RNASE10: variants seen among roughly 807,000 people sequenced by gnomAD.
RNASE10 encodes ribonuclease A family member 10 (inactive).
RNASE10 carries 2 observed loss-of-function variants against 1.1 expected under a neutral mutation model. The ratio of observed to expected loss-of-function variants is 1.82; its 90% CI spans 0.74 to 5.73. The LOEUF (loss-of-function observed/expected upper bound fraction) is 5.73, where lower values mean the gene tolerates loss of function less well. RNASE10 is among the 30% of genes most tolerant of loss of function. The pLI is 0.05. For missense variants in RNASE10, 276 were observed against 263.4 expected, an observed-to-expected ratio of 1.05 and a Z score of -0.33; for synonymous variants, 97 against 96.2, an observed-to-expected ratio of 1.01 and a Z score of -0.05.
chr14:20,508,538 T>C (rs1018743887), intron 1 of RNASE10, among the ~76,000 whole-genome samples: 4 of 152,150 alleles, frequency 2.6e-5, no homozygotes, highest in Admixed American at 6.5e-5. Context: ...TGTGTTCACA[T>C]AACCCTTATT....
intron 1 of RNASE10, among the ~76,000 whole-genome samples, chr14:20,506,555 C>CA (rs1882726728): frequency 8.8e-6 from 1 of 113,004 alleles, no homozygotes; most frequent in Admixed American, 8.4e-5. Context: ...TCTGCCCGGC[C>CA]GCCCCTACTG....
chr14:20,505,123 T>C (rs1395305793), upstream of RNASE10, among the ~76,000 whole-genome samples: 3 of 151,600 alleles, frequency 2.0e-5, no homozygotes, highest in Non-Finnish European at 2.9e-5. Context: ...GCCAATGCTG[T>C]AGGGTAGGAC....
downstream of RNASE10, among the ~76,000 whole-genome samples, chr14:20,513,348 C>A (rs1349577200): frequency 6.6e-6 from 1 of 152,094 alleles, no homozygotes; most frequent in African/African-American, 2.4e-5. Flanking sequence ...AACAGGGTGA[C>A]AAGGCATTGT....
At chr14:20,511,232 T>C (rs879507365), downstream of RNASE10, 7 of 924,500 alleles carry the variant, frequency 7.6e-6, no homozygotes, top group Admixed American at 1.1e-4. Flanking sequence ...ATGGAATTCT[T>C]CCTTGCCCTA....
chr14:20,511,988 C>G (rs1282663219), downstream of RNASE10, among the ~76,000 whole-genome samples: 2 of 151,822 alleles, frequency 1.3e-5, no homozygotes, highest in East Asian at 3.9e-4. Context: ...GATGTTCGTC[C>G]TATAGTCAGA....
exon 2 of RNASE10, chr14:20,510,474 G>T: frequency 6.2e-7 from 1 of 1,602,364 alleles, no homozygotes; most frequent in East Asian, 2.2e-5. Flanking sequence ...CAGGCAAAAT[G>T]AAGCTGAATC....
chr14:20,510,866 A>G, exon 2 of RNASE10: 1 of 1,614,240 alleles, frequency 6.2e-7, no homozygotes. Context: ...GAGCCCAGTC[A>G]GAGTTGCATA....
chr14:20,511,881 G>T (rs568252943), downstream of RNASE10, among the ~76,000 whole-genome samples: 577 of 150,658 alleles, frequency 3.8e-3, 10 homozygotes, highest in African/African-American at 0.014. Context: ...TTTTCTTTTT[G>T]GGCCCGCTCT....
At chr14:20,509,753 C>G (rs1478507579) in intron 1 of RNASE10, among the ~76,000 whole-genome samples, 5 of 151,772 alleles carry the variant, frequency 3.3e-5, no homozygotes, top group Non-Finnish European at 5.9e-5. Context: ...CAAGAATTTC[C>G]CTAAAGGAGA....
chr14:20,510,344 T>G, intron 1 of RNASE10, 123 bp from the exon 2 acceptor site: 1 of 1,405,840 alleles, frequency 7.1e-7, no homozygotes, highest in Non-Finnish European at 9.5e-7. Flanking sequence ...GAGGGTAGAG[T>G]AATGTGCAGA....
exon 2 of RNASE10, chr14:20,510,986 C>T: frequency 6.2e-7 from 1 of 1,601,746 alleles, no homozygotes; most frequent in Non-Finnish European, 8.5e-7. Context: ...AGCTCCCGAC[C>T]TTTTGATTTG....
At chr14:20,512,886 G>GA (rs577675403), downstream of RNASE10, among the ~76,000 whole-genome samples, 1 of 152,132 alleles carries the variant, frequency 6.6e-6, no homozygotes, top group South Asian at 2.1e-4. Flanking sequence ...AGGTAAGGGG[G>GA]AAAAAATGAG....
upstream of RNASE10, among the ~76,000 whole-genome samples, chr14:20,504,636 C>G (rs1003205283): frequency 3.5e-5 from 5 of 142,520 alleles, no homozygotes; most frequent in Non-Finnish European, 6.0e-5. Context: ...TGCAGTGAGC[C>G]GAGATCGCGC....
At chr14:20,510,163 C>T (rs1882856385) in intron 1 of RNASE10, among the ~76,000 whole-genome samples, 1 of 151,852 alleles carries the variant, frequency 6.6e-6, no homozygotes, top group African/African-American at 2.4e-5. Flanking sequence ...GTCAACTTTC[C>T]TCACTGATTT....
chr14:20,508,947 C>A (rs577702966), intron 1 of RNASE10, among the ~76,000 whole-genome samples: 1 of 152,162 alleles, frequency 6.6e-6, no homozygotes, highest in African/African-American at 2.4e-5. Flanking sequence ...ATACTTTTAT[C>A]AATTGCCTCA....
Position 20,510,931 on chromosome 14 carries a change from A to T in RNASE10, c.544A>T (p.Ser182Cys), listed in dbSNP as rs780997262. 7 of 1,611,930 alleles carry T rather than the reference A, an allele frequency of 4.3e-6. No homozygotes were observed. The South Asian group carries it at 7.7e-5, about 18-fold the overall frequency. ...AAACACAGTCAAAGCTGTCTGTAAC[A>T]GTCCTGTCATTGCCTGTGAGCTCAA... Residue 182 changes from serine (S) to cysteine (C), a missense_variant, in exon 2 of 2, where the codon AGT becomes TGT. Physicochemically the swap from Ser to Cys is moderately radical, Grantham distance 112. Coordinates refer to ENST00000430083, the Ensembl canonical transcript of RNASE10.
rs771342265 is a variant in RNASE10, at chr14:20,510,963, A to G, written c.576A>G (p.Gly192=). The G allele has an allele frequency of 1.2e-5, 20 of 1,604,282 alleles. No homozygotes were observed. The East Asian group carries it at 3.8e-4, about 31-fold the overall frequency. The change falls in exon 2 of 2, where the codon GGA becomes GGG. Residue 192 remains glycine, a synonymous_variant. Coordinates refer to ENST00000430083, the Ensembl canonical transcript of RNASE10. ...TCATTGCCTGTGAGCTCAAGGGGGGAAAATGTCACAAAAGCTCCCGACCTT... is the reference window on the plus strand; with the variant it reads ...TCATTGCCTGTGAGCTCAAGGGGGGGAAATGTCACAAAAGCTCCCGACCTT...
intron 1 of RNASE10, among the ~76,000 whole-genome samples, chr14:20,507,552 C>G (rs1378193440): frequency 7.1e-6 from 1 of 141,514 alleles, no homozygotes; most frequent in African/African-American, 2.8e-5. Context: ...CTTCCCTCCA[C>G]TATTGTCCTA....
chr14:20,507,942 G>A (rs1187825543), intron 1 of RNASE10, among the ~76,000 whole-genome samples: 1 of 151,826 alleles, frequency 6.6e-6, no homozygotes, highest in Non-Finnish European at 1.5e-5. Flanking sequence ...TAGAGATGGG[G>A]TTTCACCATG....
Sources: gnomAD v4.1 joint callset for allele counts (sites outside exome capture counted in the v4.1 genomes callset) on GRCh38, gnomAD v4.1.1 for gene constraint, MANE v1.5 for transcripts, NCBI Gene and HGNC (gene_info 2026-07-23, HGNC 2026-07-21) for gene names.